UTP18: variants seen among roughly 807,000 people sequenced by gnomAD.
UTP18 encodes the protein UTP18 small subunit processome component.
UTP18 carries 36 observed loss-of-function variants against 61.1 expected under a neutral mutation model. That is an observed-to-expected ratio of 0.59 (90% CI 0.45 to 0.78). The LOEUF is 0.78. Ranked by LOEUF, UTP18 falls within the 30% of genes least tolerant of loss-of-function variation. UTP18 has a pLI of 0.00. For synonymous variants in UTP18, 282 were observed against 251.1 expected, an observed-to-expected ratio of 1.12 and a Z score of -1.16; for missense variants, 753 against 693.9, an observed-to-expected ratio of 1.09 and a Z score of -0.96.
intron 10 of UTP18, 42 bp downstream of exon 10, chr17:51,285,410 T>A (rs748955900): frequency 6.3e-7 from 1 of 1,597,010 alleles, no homozygotes; most frequent in African/African-American, 1.3e-5. Context: ...CACATTGTGC[T>A]AATGAGAATA....
intron 3 of UTP18, among the ~76,000 whole-genome samples, chr17:51,268,018 T>G (rs1013029615): frequency 1.3e-5 from 2 of 148,842 alleles, no homozygotes; most frequent in African/African-American, 2.5e-5. Context: ...TTTTTTGTTT[T>G]TTTTTTTTTG....
At chr17:51,284,576 T>TA (rs1905045476) in intron 9 of UTP18, among the ~76,000 whole-genome samples, 1 of 152,204 alleles carries the variant, frequency 6.6e-6, no homozygotes, top group Admixed American at 6.5e-5. Flanking sequence ...TTGGAAGAGT[T>TA]ACACTAGTGA....
intron 11 of UTP18, among the ~76,000 whole-genome samples, chr17:51,289,659 G>A (rs1452420679): frequency 6.6e-6 from 1 of 152,054 alleles, no homozygotes; most frequent in East Asian, 1.9e-4. Flanking sequence ...TTTGCTCAAG[G>A]CACCAGGTAT....
intron 3 of UTP18, 149 bp from the exon 4 acceptor site, chr17:51,268,688 A>G (rs1489833469): frequency 4.6e-6 from 3 of 645,692 alleles, no homozygotes; most frequent in East Asian, 3.1e-5. Flanking sequence ...AGTAAAGATA[A>G]TAACTTCTGT....
intron 2 of UTP18, among the ~76,000 whole-genome samples, chr17:51,264,625 G>A (rs1454719957): frequency 1.3e-5 from 2 of 150,674 alleles, no homozygotes; most frequent in Non-Finnish European, 3.0e-5. Context: ...CTGTCAGTTT[G>A]GTAGTGGGTA....
chr17:51,260,718 C>T lies in UTP18; in HGVS notation c.134C>T (p.Ser45Leu). 6.3e-7 allele frequency: 1 copy of T among 1,598,866 alleles called. No individual in the cohort carries two copies. Among genetic ancestry groups the T allele is most frequent in the Non-Finnish European group, 8.5e-7 (1 of 1,173,702 alleles). ...PGGPPQKPAP[S>L]SQRKPPARPS... The stretch of plus-strand genomic sequence containing the variant: ...GGGCCTCCCCAAAAGCCTGCCCCTT[C>T]ATCCCAGCGGAAACCGCCGGCCCGG... The change falls in exon 1 of 14, where the codon TCA becomes TTA. Residue 45 changes from serine (S) to leucine (L), a missense_variant. By Grantham distance (145) the Ser-to-Leu change is moderately radical. Coordinates refer to ENST00000225298, the MANE Select transcript of UTP18 (RefSeq NM_016001.3).
rs753567959 is a variant in UTP18 at position 51,263,423 on chromosome 17, C to T, written c.455+37C>T. ...AACTTTTCTTCTGAATCCCTCTGTACACTTAAAAAAGTTATTTTGCAGATT... is the reference window on the plus strand; with the variant it reads ...AACTTTTCTTCTGAATCCCTCTGTATACTTAAAAAAGTTATTTTGCAGATT... On this transcript the variant is annotated intron_variant, in intron 2 of 13. Transcript: ENST00000225298. 3.0e-5 allele frequency: 44 copies of T among 1,460,104 alleles called. 1 individual carries two copies. Among genetic ancestry groups the T allele is most frequent in the South Asian group, 2.8e-4 (23 of 82,814 alleles). 90.4% of individuals were successfully genotyped at this position (1,460,104 alleles called of 1,614,324 possible).
chr17:51,277,374 A>G lies in UTP18; in HGVS notation c.1012+70A>G, dbSNP rs1258847215. ...GTGAGTTTATGTAACAGTGTTTACA[A>G]CACTTTTTTCACTCCATAGGATTCT... On this transcript the variant is annotated intron_variant, in intron 7 of 13. Transcript: ENST00000225298. 2.0e-6 allele frequency: 3 copies of G among 1,531,394 alleles called. No individual in the cohort carries two copies. The African/African-American group carries it at 4.2e-5, about 21-fold the overall frequency. 94.9% of individuals were successfully genotyped at this position (1,531,394 alleles called of 1,614,324 possible).
chr17:51,280,314 G>GT, intron 8 of UTP18, 75 bp from the exon 9 acceptor site: 2 of 1,507,258 alleles, frequency 1.3e-6, no homozygotes, highest in South Asian at 2.4e-5. Flanking sequence ...AGAGAACTAG[G>GT]TTGTTTTTAC....
At chr17:51,282,324 A>G (rs1418219239) in intron 9 of UTP18, among the ~76,000 whole-genome samples, 2 of 152,172 alleles carry the variant, frequency 1.3e-5, no homozygotes, top group Non-Finnish European at 1.5e-5. Flanking sequence ...GCTTAACATT[A>G]ATTTTTGTTT....
Position 51,260,800 on chromosome 17 carries a change from C to G in UTP18, c.216C>G (p.Leu72=), listed in dbSNP as rs1458676647. The change falls in exon 1 of 14, where the codon CTC becomes CTG. Residue 72 remains leucine (L), a synonymous_variant. Coordinates refer to ENST00000225298, the MANE Select transcript of UTP18 (RefSeq NM_016001.3). ...AVAAAEEERR[L]RQRNRLRLEE... is the part of the protein sequence containing the mutation. The stretch of plus-strand genomic sequence containing the variant: ...CGGCGGCGGAGGAAGAGAGACGGCT[C>G]CGGCAGCGGAACCGCCTGAGGCTGG... 3.2e-6 allele frequency: 5 copies of G among 1,582,198 alleles called. No individual in the cohort carries two copies. The highest frequency in any genetic ancestry group is 4.6e-5 in the East Asian group (2 of 43,120).
chr17:51,281,164 A>ATATATATATTT (rs59857038), intron 9 of UTP18, among the ~76,000 whole-genome samples: 93 of 140,416 alleles, frequency 6.6e-4, no homozygotes, highest in African/African-American at 2.5e-3. Context: ...ATATATATAT[A>ATATATATATTT]TTTTTTTTAA....
At chr17:51,273,774 T>TAAATAAATAAATAAA (rs1567701016) in intron 5 of UTP18, among the ~76,000 whole-genome samples, 6 of 151,200 alleles carry the variant, frequency 4.0e-5, no homozygotes, top group Non-Finnish European at 4.4e-5. Flanking sequence ...AATAAATAAA[T>TAAATAAATAAATAAA]TTTCCAGTAA....
At chr17:51,276,096 T>G in intron 6 of UTP18, 105 bp downstream of exon 6, 1 of 1,149,602 alleles carries the variant, frequency 8.7e-7, no homozygotes, top group Non-Finnish European at 1.2e-6. Context: ...TATTCATAGC[T>G]AAAACATCAT....
chr17:51,279,901 G>A, intron 7 of UTP18, 104 bp from the exon 8 acceptor site: 1 of 934,940 alleles, frequency 1.1e-6, no homozygotes, highest in Non-Finnish European at 1.6e-6. Context: ...TTTAATTTGA[G>A]CCACTTACGT....
At chr17:51,269,625 T>C (rs1904445765) in intron 4 of UTP18, among the ~76,000 whole-genome samples, 1 of 152,114 alleles carries the variant, frequency 6.6e-6, no homozygotes, top group South Asian at 2.1e-4. Flanking sequence ...CTGTTAGTCC[T>C]CATGGTACGT....
chr17:51,268,599 A>G (rs539893168), intron 3 of UTP18, among the ~76,000 whole-genome samples: 1 of 152,358 alleles, frequency 6.6e-6, no homozygotes, highest in African/African-American at 2.4e-5. Context: ...TTAACAAAAA[A>G]TATGTATCCA....
At chr17:51,282,867 CTTTTTT>C (rs534175274) in intron 9 of UTP18, among the ~76,000 whole-genome samples, 5 of 120,694 alleles carry the variant, frequency 4.1e-5, no homozygotes, top group African/African-American at 1.1e-4. Flanking sequence ...TCTTCTTCTT[CTTTTTT>C]TTTTTTTTTT....
chr17:51,276,715 C>T (rs1335483791), intron 6 of UTP18, among the ~76,000 whole-genome samples: 1 of 152,186 alleles, frequency 6.6e-6, no homozygotes, highest in African/African-American at 2.4e-5. Context: ...AGTATCTGCT[C>T]TTGGATAGGG....
Sources: allele counts gnomAD v4.1 joint callset (sites outside exome capture counted in the v4.1 genomes callset), GRCh38; gene constraint gnomAD v4.1.1; transcripts MANE v1.5; gene names NCBI Gene and HGNC (gene_info 2026-07-23, HGNC 2026-07-21).